The following AP2A2 variants were observed in gnomAD, a reference collection of about 807,000 sequenced individuals.
The protein encoded by AP2A2 is adaptor related protein complex 2 subunit alpha 2.
In AP2A2, 32 loss-of-function variants were observed where a neutral mutation model predicts 104.2. The ratio of observed to expected loss-of-function variants is 0.31; its 90% CI spans 0.23 to 0.41. The LOEUF is 0.41. AP2A2 is among the 10% of genes least tolerant of loss of function. AP2A2 has a pLI of 1.00. For synonymous variants in AP2A2, 539 were observed against 533.3 expected (o/e 1.01, Z -0.15); for missense variants, 912 against 1,261.0 (o/e 0.72, Z 4.19).
intron 2 of AP2A2, among the ~76,000 whole-genome samples, chr11:960,656 G>GC (rs1341311138): frequency 2.0e-5 from 3 of 152,282 alleles, no homozygotes; most frequent in Non-Finnish European, 4.4e-5. Flanking sequence ...GGGATTACAG[G>GC]CGTGAGCCAC....
At chr11:928,685 T>C (rs1473187540) in intron 1 of AP2A2, among the ~76,000 whole-genome samples, 16 of 152,236 alleles carry the variant, frequency 1.1e-4, no homozygotes, top group Admixed American at 1.3e-4. Context: ...GAACCACTAG[T>C]GTATCCCATT....
At chr11:966,355 G>A (rs1014142579) in intron 2 of AP2A2, among the ~76,000 whole-genome samples, 1 of 152,158 alleles carries the variant, frequency 6.6e-6, no homozygotes, top group African/African-American at 2.4e-5. Flanking sequence ...AAAATTAGCC[G>A]TGTGTGGTTG....
intron 2 of AP2A2, among the ~76,000 whole-genome samples, chr11:964,124 C>T (rs780868392): frequency 9.2e-5 from 14 of 152,216 alleles, no homozygotes; most frequent in East Asian, 1.9e-4. Flanking sequence ...AGGGAATACC[C>T]GTAGGGCAGA....
intron 10 of AP2A2, among the ~76,000 whole-genome samples, chr11:990,049 T>C (rs759642512): frequency 2.5e-4 from 38 of 152,090 alleles, no homozygotes; most frequent in Non-Finnish European, 5.1e-4. Context: ...GACTCGGGTT[T>C]TCAGGGGTCT....
intron 2 of AP2A2, among the ~76,000 whole-genome samples, chr11:969,220 C>CTTTTTT (rs1190722379): frequency 1.5e-4 from 7 of 48,110 alleles, no homozygotes; most frequent in Admixed American, 3.3e-4. Context: ...TAGAACAGCC[C>CTTTTTT]TTTTTTTTTT....
chr11:1,009,843 C>A (rs754831679), intron 21 of AP2A2, 26 bp downstream of exon 21: 65 of 1,531,452 alleles, frequency 4.2e-5, no homozygotes, highest in Non-Finnish European at 5.3e-5. Context: ...AATGGTGGAA[C>A]ACACTTGAGT....
chr11:928,076 A>C (rs1284015434), intron 1 of AP2A2, among the ~76,000 whole-genome samples: 1 of 152,172 alleles, frequency 6.6e-6, no homozygotes, highest in Admixed American at 6.5e-5. Flanking sequence ...TCAGACAGCA[A>C]GTCACCCACT....
intron 10 of AP2A2, among the ~76,000 whole-genome samples, chr11:990,395 G>C (rs1855605786): frequency 6.6e-6 from 1 of 152,196 alleles, no homozygotes; most frequent in Admixed American, 6.5e-5. Flanking sequence ...CACTTGTGGT[G>C]GGGTGGGGCT....
At chr11:1,004,054 C>T (rs952623812) in intron 16 of AP2A2, among the ~76,000 whole-genome samples, 3 of 151,892 alleles carry the variant, frequency 2.0e-5, no homozygotes, top group Non-Finnish European at 2.9e-5. Flanking sequence ...GTTGAAAAGA[C>T]GACATTCTCC....
chr11:926,388 G>A (rs1853122707), intron 1 of AP2A2, among the ~76,000 whole-genome samples: 1 of 149,726 alleles, frequency 6.7e-6, no homozygotes, highest in Non-Finnish European at 1.5e-5. Flanking sequence ...GGGGTGCGGG[G>A]TGGGGTGTCC....
Position 1,009,342 on chromosome 11 carries a change from T to C in AP2A2, c.2552T>C (p.Val851Ala), listed in dbSNP as rs1189894159. The C allele has an allele frequency of 6.2e-7, 1 of 1,613,576 alleles. No homozygotes were observed. Among genetic ancestry groups the C allele is most frequent in the African/African-American group, 1.3e-5 (1 of 74,912 alleles). ...WKQLSNPQQE[V>A]QNIFKAKHPM... The stretch of plus-strand genomic sequence containing the variant: ...GTTTCTCACAGTCCACAGCAGGAAG[T>C]GCAGAACATCTTCAAAGCAAAGCAC... The change falls in exon 20 of 22, where the codon GTG (valine) becomes GCG (alanine). Residue 851 changes from valine to alanine, a missense_variant. Coordinates refer to ENST00000448903, the MANE Select transcript of AP2A2 (RefSeq NM_012305.4).
Position 1,008,046 on chromosome 11 carries a change from C to A in AP2A2, c.2331C>A (p.Thr777=), listed in dbSNP as rs554369040. 5.7e-6 allele frequency: 9 copies of A among 1,573,490 alleles called. No homozygotes were observed. Among genetic ancestry groups the A allele is most frequent in the Non-Finnish European group, 7.8e-6 (9 of 1,160,284 alleles). Residue 777 remains threonine, a synonymous_variant, in exon 18 of 22, where the codon ACC becomes ACA. Coordinates refer to ENST00000448903, the MANE Select transcript of AP2A2 (RefSeq NM_012305.4). Reference sequence around the variant, plus strand: ...TGCAGACCAAGCCCGTGGACCCGACCGTGGAGGGGGGCGCGCAGGTGCAGC... The same window carrying A: ...TGCAGACCAAGCCCGTGGACCCGACAGTGGAGGGGGGCGCGCAGGTGCAGC... The part of the protein sequence containing the change: ...LNLQTKPVDP[T]VEGGAQVQQV...
chr11:953,998 C>G (rs891462864), intron 1 of AP2A2, among the ~76,000 whole-genome samples: 7 of 152,062 alleles, frequency 4.6e-5, no homozygotes, highest in Admixed American at 3.9e-4. Context: ...CCATGCCTGG[C>G]TAATTTTTGT....
At position 985,620 on chromosome 11, in the gene AP2A2, A is replaced by G. The variant is rs200246260; in HGVS notation, c.962+38A>G. On this transcript the variant is annotated intron_variant, in intron 8 of 21. Coordinates refer to ENST00000448903, the MANE Select transcript of AP2A2 (RefSeq NM_012305.4). ...CCTGTGGAGAGGCTTCGTCTCGCGC[A>G]CACACACACGTTCCTTCTCGTTGGC... 117 of 1,610,060 alleles carry G rather than the reference A, an allele frequency of 7.3e-5. No individual in the cohort carries two copies. The East Asian group carries it at 1.8e-3, about 25-fold the overall frequency.
chr11:925,906 A>G lies in AP2A2; in HGVS notation c.-116A>G, dbSNP rs1221754420. The G allele has an allele frequency of 5.4e-6, 4 of 740,210 alleles. No homozygotes were observed. Among genetic ancestry groups the G allele is most frequent in the Non-Finnish European group, 7.6e-6 (4 of 527,164 alleles). The allele number at this position is 740,210 out of a possible 1,614,324, so 45.9% of individuals were successfully genotyped here. A position where few individuals can be genotyped will look rare whatever the true frequency, so the allele number is the denominator to read the frequency against. On this transcript the variant is annotated 5_prime_UTR_variant, in exon 1 of 22. Coordinates refer to ENST00000448903, the MANE Select transcript of AP2A2 (RefSeq NM_012305.4). ...CTGGGACCCTGAGGCGGCCGTGGTTAGGCGGCTCCCCGGCGGCTCCTCCGC... is the reference window on the plus strand; with the variant it reads ...CTGGGACCCTGAGGCGGCCGTGGTTGGGCGGCTCCCCGGCGGCTCCTCCGC...
chr11:970,430 G>A, intron 3 of AP2A2, 119 bp downstream of exon 3: 1 of 1,338,158 alleles, frequency 7.5e-7, no homozygotes, highest in Non-Finnish European at 1.0e-6. Flanking sequence ...GAGCCACGTG[G>A]GTCTGCTGCA....
intron 1 of AP2A2, among the ~76,000 whole-genome samples, chr11:937,060 G>A (rs1383914242): frequency 6.6e-6 from 1 of 151,812 alleles, no homozygotes; most frequent in African/African-American, 2.4e-5. Flanking sequence ...AGTCTCTGTC[G>A]CCCAGGCTGG....
At chr11:926,891 A>C (rs534382385) in intron 1 of AP2A2, among the ~76,000 whole-genome samples, 1 of 152,126 alleles carries the variant, frequency 6.6e-6, no homozygotes, top group Non-Finnish European at 1.5e-5. Context: ...AAGGATGTGC[A>C]GGGTGGCTGG....
At chr11:990,166 A>G (rs1855598185) in intron 10 of AP2A2, among the ~76,000 whole-genome samples, 10 of 152,346 alleles carry the variant, frequency 6.6e-5, no homozygotes, top group Admixed American at 5.2e-4. Context: ...AGCAGGGGCC[A>G]GGAGGCGGCT....
Sources: gnomAD v4.1 joint callset for allele counts (sites outside exome capture counted in the v4.1 genomes callset) on GRCh38, gnomAD v4.1.1 for gene constraint, MANE v1.5 for transcripts, NCBI Gene and HGNC (gene_info 2026-07-23, HGNC 2026-07-21) for gene names.